The following KHDRBS2 variants were observed in gnomAD, a reference collection of about 807,000 sequenced individuals.
The protein encoded by KHDRBS2 is KH domain-containing, RNA-binding, signal transduction-associated protein 2.
Under a neutral mutation model 44.3 loss-of-function variants are expected in KHDRBS2, and 26 were observed. The observed-to-expected ratio is 0.59, with a 90% CI of 0.43 to 0.81. KHDRBS2 has a LOEUF of 0.81. Among genes scored for constraint, KHDRBS2 ranks in the 40% least tolerant of loss-of-function variants. The pLI is 0.00. For synonymous variants in KHDRBS2, 194 were observed against 151.1 expected, an observed-to-expected ratio of 1.28 and a Z score of -2.08; for missense variants, 476 against 433.1, an observed-to-expected ratio of 1.10 and a Z score of -0.88.
intron 7 of KHDRBS2, among the ~76,000 whole-genome samples, chr6:61,726,387 A>T (rs1178556248): frequency 6.6e-6 from 1 of 152,060 alleles, no homozygotes; most frequent in Non-Finnish European, 1.5e-5. Context: ...TTCTCTCACC[A>T]CTCTTATTCA....
intron 8 of KHDRBS2, among the ~76,000 whole-genome samples, chr6:61,687,852 A>C (rs1334166764): frequency 1.3e-5 from 2 of 151,822 alleles, no homozygotes; most frequent in African/African-American, 4.8e-5. Context: ...GTAGTTTTGC[A>C]TGTGATGCAT....
At chr6:62,092,728 TAAAAA>T (rs1432178175) in intron 2 of KHDRBS2, among the ~76,000 whole-genome samples, 2 of 152,190 alleles carry the variant, frequency 1.3e-5, no homozygotes, top group Non-Finnish European at 2.9e-5. Context: ...AGGCAAAGTG[TAAAAA>T]GCATTTAACA....
chr6:61,612,992 A>G, the KHDRBS2 span, among the ~76,000 whole-genome samples: 1 of 151,646 alleles, frequency 6.6e-6, no homozygotes, highest in Non-Finnish European at 1.5e-5. Flanking sequence ...AGCTGGGACT[A>G]CAGGTGCCCG....
At chr6:62,103,026 G>T (rs1216731816) in intron 2 of KHDRBS2, among the ~76,000 whole-genome samples, 1 of 152,142 alleles carries the variant, frequency 6.6e-6, no homozygotes, top group African/African-American at 2.4e-5. Flanking sequence ...GACTGAGTCT[G>T]GGGTTTTTAT....
At chr6:61,634,099 T>C in the KHDRBS2 span, among the ~76,000 whole-genome samples, 8 of 152,042 alleles carry the variant, frequency 5.3e-5, no homozygotes, top group Non-Finnish European at 1.5e-5. Flanking sequence ...GGGACTAAAA[T>C]TGTTTTTGTT....
chr6:61,852,003 C>G (rs1310136738), intron 6 of KHDRBS2, among the ~76,000 whole-genome samples: 1 of 152,124 alleles, frequency 6.6e-6, no homozygotes, highest in Non-Finnish European at 1.5e-5. Context: ...AGGCGGATCA[C>G]CTGAGTTCAG....
intron 4 of KHDRBS2, among the ~76,000 whole-genome samples, chr6:61,977,205 A>C (rs1772854965): frequency 6.6e-6 from 1 of 152,120 alleles, no homozygotes; most frequent in Non-Finnish European, 1.5e-5. Flanking sequence ...TTCATTGTGC[A>C]GATCTATCTT....
At chr6:61,791,981 C>T (rs946031508) in intron 6 of KHDRBS2, among the ~76,000 whole-genome samples, 3 of 150,866 alleles carry the variant, frequency 2.0e-5, no homozygotes, top group Admixed American at 1.3e-4. Flanking sequence ...CTGTGTGTTT[C>T]TTTCCTTTTT....
In KHDRBS2 at chr6:61,875,303, C is replaced by G. The variant is rs1172199551; in HGVS notation, c.810+19332G>C. On this transcript the variant is annotated intron_variant, in intron 6 of 8. Transcript: ENST00000281156. ...AATGTTCTGTGCACAGTAAATAGAACAGGCCGAAGCCAGGCTTATAGAGTC... is the reference window on the plus strand; with the variant it reads ...AATGTTCTGTGCACAGTAAATAGAAGAGGCCGAAGCCAGGCTTATAGAGTC... Among the ~76,000 whole-genome samples, 3 of 151,924 alleles carry G rather than the reference C, an allele frequency of 2.0e-5. No individual in the cohort carries two copies. The East Asian group carries it at 5.8e-4, about 29-fold the overall frequency.
At chr6:62,069,760 C>T (rs1268576215) in intron 2 of KHDRBS2, among the ~76,000 whole-genome samples, 2 of 151,738 alleles carry the variant, frequency 1.3e-5, no homozygotes, top group Non-Finnish European at 2.9e-5. Context: ...ATAGTTTGTA[C>T]TGCCATTAAT....
Position 61,995,233 on chromosome 6 carries a change from CAATT to C in KHDRBS2, c.337-17025_337-17022del, listed in dbSNP as rs534411233. ...GTAGCTAAGTGTATCACAAAAGGTA[CAATT>C]AATTGAGAAGAGTTGAATGGTAAGA... On this transcript the variant is annotated intron_variant, in intron 3 of 8. Coordinates refer to ENST00000281156, the MANE Select transcript of KHDRBS2 (RefSeq NM_152688.4). Among the ~76,000 whole-genome samples, 20 of 152,042 alleles carry C rather than the reference CAATT, an allele frequency of 1.3e-4. No individual in the cohort carries two copies. The South Asian group carries it at 2.5e-3, about 19-fold the overall frequency.
At chr6:61,773,163 G>A (rs1216650769) in intron 6 of KHDRBS2, among the ~76,000 whole-genome samples, 1 of 151,832 alleles carries the variant, frequency 6.6e-6, no homozygotes, top group Non-Finnish European at 1.5e-5. Flanking sequence ...CCCAGTAATG[G>A]GATGGCTGGG....
chr6:61,732,201 C>T (rs866034180), intron 7 of KHDRBS2, among the ~76,000 whole-genome samples: 9 of 151,920 alleles, frequency 5.9e-5, no homozygotes, highest in African/African-American at 1.5e-4. Context: ...GTCAATCTAA[C>T]GAGATATATT....
the KHDRBS2 span, among the ~76,000 whole-genome samples, chr6:61,591,096 CACA>C: frequency 6.6e-6 from 1 of 152,232 alleles, no homozygotes; most frequent in East Asian, 1.9e-4. Flanking sequence ...AGAATGAAAT[CACA>C]ACAATTGATC....
chr6:62,059,204 T>TG (rs1791061550), intron 2 of KHDRBS2, among the ~76,000 whole-genome samples: 1 of 106,694 alleles, frequency 9.4e-6, no homozygotes, highest in African/African-American at 4.1e-5. Context: ...GGAAGTTTTT[T>TG]TTTTTTTTTT....
intron 3 of KHDRBS2, among the ~76,000 whole-genome samples, chr6:62,015,648 A>G (rs1781079027): frequency 6.6e-6 from 1 of 152,154 alleles, no homozygotes; most frequent in South Asian, 2.1e-4. Flanking sequence ...CTCTAGTTTC[A>G]TGGTTAGATA....
At chr6:61,960,370 A>G (rs938967466) in intron 4 of KHDRBS2, among the ~76,000 whole-genome samples, 1 of 152,112 alleles carries the variant, frequency 6.6e-6, no homozygotes, top group Admixed American at 6.6e-5. Context: ...TACAAATAAG[A>G]GTGTTAAATA....
intron 2 of KHDRBS2, among the ~76,000 whole-genome samples, chr6:62,070,298 T>A (rs1045893759): frequency 2.0e-5 from 3 of 151,246 alleles, no homozygotes; most frequent in African/African-American, 7.3e-5. Flanking sequence ...ATTAAAAAAA[T>A]ACTGGCCTTG....
the KHDRBS2 span, among the ~76,000 whole-genome samples, chr6:61,603,808 C>T: frequency 6.6e-6 from 1 of 152,134 alleles, no homozygotes. Flanking sequence ...AATCCAGCCT[C>T]CCACATTATT....
Sources: gnomAD v4.1 joint callset for allele counts (sites outside exome capture counted in the v4.1 genomes callset) on GRCh38, gnomAD v4.1.1 for gene constraint, MANE v1.5 for transcripts, NCBI Gene and HGNC (gene_info 2026-07-23, HGNC 2026-07-21) for gene names.